ZNF562: variants seen among roughly 807,000 people sequenced by gnomAD.
The protein encoded by ZNF562 is zinc finger protein 562.
In ZNF562, 13 loss-of-function variants were observed where a neutral mutation model predicts 17.5. That is an observed-to-expected ratio of 0.74 (90% confidence interval 0.48 to 1.18). The LOEUF is 1.18. Among genes scored for constraint, ZNF562 ranks in the 50% most tolerant of loss-of-function variants. ZNF562 has a pLI of 0.00. For synonymous variants in ZNF562, 163 were observed against 165.4 expected (o/e 0.99, Z 0.11); for missense variants, 481 against 498.5 (o/e 0.96, Z 0.33).
At chr19:9,672,210 C>T (rs541163812) in intron 1 of ZNF562, among the ~76,000 whole-genome samples, 1 of 152,176 alleles carries the variant, frequency 6.6e-6, no homozygotes, top group Non-Finnish European at 1.5e-5. Context: ...GATCTTAGAT[C>T]CAAAAACACC....
Position 9,645,591 on chromosome 19 carries a change from C to T in ZNF562, c.*7358G>A, listed in dbSNP as rs2074801044. Reference sequence around the variant, plus strand: ...CTACTGGTCAAAGCAAGGACTGGCTCACATAAAAAGGAGAGAGATTGCACC... The same window carrying T: ...CTACTGGTCAAAGCAAGGACTGGCTTACATAAAAAGGAGAGAGATTGCACC... On this transcript the variant is annotated 3_prime_UTR_variant, in exon 6 of 6. Transcript: ENST00000453372. 6.6e-6 allele frequency: 1 copy of T among 152,180 alleles called. No homozygotes were observed. Among genetic ancestry groups the T allele is most frequent in the Non-Finnish European group, 1.5e-5 (1 of 68,044 alleles). The allele number at this position is 152,180 out of a possible 1,614,324, so 9.4% of individuals were successfully genotyped here. A position where few individuals can be genotyped will look rare whatever the true frequency, so the allele number is the denominator to read the frequency against.
At chr19:9,662,624 T>C (rs2043794630) in intron 1 of ZNF562, among the ~76,000 whole-genome samples, 3 of 151,528 alleles carry the variant, frequency 2.0e-5, no homozygotes. Flanking sequence ...CTCACGCCTG[T>C]AATCCCAGCA....
In ZNF562 at chr19:9,647,877, AAAAC is replaced by A. The variant is rs1385993724; in HGVS notation, c.*5068_*5071del. On this transcript the variant is annotated 3_prime_UTR_variant, in exon 6 of 6. Coordinates refer to ENST00000453372, the MANE Select transcript of ZNF562 (RefSeq NM_001130031.2). ...AAACAAAGAAACAAACACCAACTCA[AAAAC>A]AAAGAAACAAACCAAAAAAATGAAA... 1 of 152,192 alleles carries A rather than the reference AAAAC, an allele frequency of 6.6e-6. No individual in the cohort carries two copies. The highest frequency in any genetic ancestry group is 1.5e-5 in the Non-Finnish European group (1 of 68,066). The allele number at this position is 152,192 out of a possible 1,614,324, so 9.4% of individuals were successfully genotyped here.
intron 1 of ZNF562, among the ~76,000 whole-genome samples, chr19:9,663,401 C>A (rs2043830912): frequency 7.3e-6 from 1 of 137,656 alleles, no homozygotes; most frequent in Non-Finnish European, 1.5e-5. Context: ...CAGAGCGAGA[C>A]TCCATCTCAA....
intron 1 of ZNF562, among the ~76,000 whole-genome samples, chr19:9,665,584 G>T (rs952668601): frequency 6.6e-6 from 1 of 152,132 alleles, no homozygotes; most frequent in Admixed American, 6.6e-5. Flanking sequence ...TGCTACACAG[G>T]TCCCCTGGGC....
In ZNF562 at chr19:9,656,767, G is replaced by A. The variant is rs533201411; in HGVS notation, c.242-114C>T. The A allele has an allele frequency of 2.0e-4, 199 of 1,003,098 alleles. 2 individuals are homozygous for A. The highest frequency in any genetic ancestry group is 1.7e-3 in the African/African-American group (105 of 60,996). The allele number at this position is 1,003,098 out of a possible 1,614,324, so 62.1% of individuals were successfully genotyped here. On this transcript the variant is annotated intron_variant, in intron 4 of 5. Transcript: ENST00000453372. ...AGGCCAGGCACGGTGACTCAGGCCC[G>A]TAATCCCAGGACTTTGGGAGGCTGA...
chr19:9,645,050 ATTTTTTTT>A lies in ZNF562; in HGVS notation c.*7891_*7898del, dbSNP rs1211509395. On this transcript the variant is annotated 3_prime_UTR_variant, in exon 6 of 6. Coordinates refer to ENST00000453372, the MANE Select transcript of ZNF562 (RefSeq NM_001130031.2). ...CAGTCTCTCTGTGAACATTGACAGA[ATTTTTTTT>A]TTTTTTTTGAGACAGAGTCTCACAC... 1 of 143,018 alleles carries A rather than the reference ATTTTTTTT, an allele frequency of 7.0e-6. No homozygotes were observed. Among genetic ancestry groups the A allele is most frequent in the Non-Finnish European group, 1.5e-5 (1 of 64,890 alleles). 8.9% of individuals were successfully genotyped at this position (143,018 alleles called of 1,614,324 possible).
chr19:9,656,871 A>AAAATATAT (rs376933513), intron 4 of ZNF562, among the ~76,000 whole-genome samples: 5 of 142,432 alleles, frequency 3.5e-5, no homozygotes, highest in African/African-American at 1.0e-4. Flanking sequence ...AAAATACAAA[A>AAAATATAT]ATATATATAT....
intron 1 of ZNF562, among the ~76,000 whole-genome samples, chr19:9,664,845 AAAAAG>A (rs540743921): frequency 5.3e-5 from 8 of 152,160 alleles, no homozygotes; most frequent in Admixed American, 1.3e-4. Context: ...ACTCTGTCTC[AAAAAG>A]AAAAGAAAAG....
At position 9,652,130 on chromosome 19, in the gene ZNF562, T is replaced by C. The variant is rs1473829053; in HGVS notation, c.*819A>G. On this transcript the variant is annotated 3_prime_UTR_variant, in exon 6 of 6. Coordinates refer to ENST00000453372, the MANE Select transcript of ZNF562 (RefSeq NM_001130031.2). ...TGGGATTCATGGACTATATCAGCCA[T>C]CTTAACAGAAGTGAGAAGAGAGACT... The C allele has an allele frequency of 3.9e-5, 6 of 152,338 alleles. No homozygotes were observed. The highest frequency in any genetic ancestry group is 2.1e-4 in the South Asian group (1 of 4,826). The allele number at this position is 152,338 out of a possible 1,614,324, so 9.4% of individuals were successfully genotyped here.
intron 1 of ZNF562, among the ~76,000 whole-genome samples, chr19:9,665,564 T>C (rs1419888087): frequency 6.6e-6 from 1 of 152,140 alleles, no homozygotes; most frequent in Non-Finnish European, 1.5e-5. Context: ...AGCAGCATAC[T>C]GTAGGGGTAT....
At chr19:9,657,764 G>C (rs1236116047) in intron 4 of ZNF562, among the ~76,000 whole-genome samples, 1 of 151,930 alleles carries the variant, frequency 6.6e-6, no homozygotes, top group Admixed American at 6.6e-5. Flanking sequence ...AGCCAGGCTG[G>C]TCTTGATTTC....
At chr19:9,655,071 G>C (rs557058383) in intron 5 of ZNF562, among the ~76,000 whole-genome samples, 1 of 152,196 alleles carries the variant, frequency 6.6e-6, no homozygotes, top group Admixed American at 6.5e-5. Context: ...GCTCACTGCA[G>C]CCTTAAACTC....
chr19:9,663,212 G>A (rs941967447), intron 1 of ZNF562, among the ~76,000 whole-genome samples: 2 of 148,314 alleles, frequency 1.3e-5, no homozygotes, highest in African/African-American at 5.1e-5. Flanking sequence ...GAGACCATCC[G>A]GCTAATGCAG....
At chr19:9,659,262 T>C in intron 3 of ZNF562, 117 bp downstream of exon 3, 1 of 916,594 alleles carries the variant, frequency 1.1e-6, no homozygotes, top group South Asian at 1.6e-5. Flanking sequence ...ATTCAGTCCT[T>C]GAGTAAGGCT....
chr19:9,655,056 T>C (rs1356104049), intron 5 of ZNF562, among the ~76,000 whole-genome samples: 3 of 152,242 alleles, frequency 2.0e-5, no homozygotes, highest in South Asian at 2.1e-4. Context: ...CATGGCACAA[T>C]CACAGCTCAC....
chr19:9,642,287 TAAAAAAAA>T lies in ZNF562; in HGVS notation c.*10654_*10661del, dbSNP rs879528520. ...TTAAAATTACATTCTTTTTTTTCTTTAAAAAAAAAAAAAAAAACAGGGTTTCACTCTGT... is the reference window on the plus strand; with the variant it reads ...TTAAAATTACATTCTTTTTTTTCTTTAAAAAAAAACAGGGTTTCACTCTGT... On this transcript the variant is annotated 3_prime_UTR_variant, in exon 6 of 6. Transcript: ENST00000453372. The T allele has an allele frequency of 7.4e-6, 1 of 135,286 alleles. No homozygotes were observed. The highest frequency in any genetic ancestry group is 1.6e-5 in the Non-Finnish European group (1 of 62,128). The allele number at this position is 135,286 out of a possible 1,614,324, so 8.4% of individuals were successfully genotyped here.
chr19:9,665,638 T>C (rs1228128150), intron 1 of ZNF562, among the ~76,000 whole-genome samples: 2 of 152,132 alleles, frequency 1.3e-5, no homozygotes, highest in African/African-American at 4.8e-5. Context: ...ATATGCCCTT[T>C]AGGACTCCCC....
At position 9,653,775 on chromosome 19, in the gene ZNF562, G is replaced by C. The variant is rs751854334; in HGVS notation, c.455C>G (p.Thr152Ser). 4 of 1,614,072 alleles carry C rather than the reference G, an allele frequency of 2.5e-6. No homozygotes were observed. The highest frequency in any genetic ancestry group is 1.1e-5 in the South Asian group (1 of 91,080). Residue 152 changes from threonine to serine, a missense_variant, in exon 6 of 6, where the codon ACT (threonine) becomes AGT (serine). Around this residue, in one of 2 missense-constraint regions of ZNF562, gnomAD observed 403 missense variants for 386.4 expected, o/e 1.04. Transcript: ENST00000453372. ...TTTTCCATAACAATTACCCTCAAAA[G>C]TGTTCCCTCCATTCTGAGCTCTCAT... ...THMRAQNGGN[T>S]FEGNCYGKDS...
Sources: allele counts gnomAD v4.1 joint callset (sites outside exome capture counted in the v4.1 genomes callset), GRCh38; gene constraint gnomAD v4.1.1; regional missense constraint gnomAD v4.1.1; transcripts MANE v1.5; gene names NCBI Gene and HGNC (gene_info 2026-07-23, HGNC 2026-07-21).